LARP4B: variants seen among roughly 807,000 people sequenced by gnomAD.
LARP4B encodes the protein La ribonucleoprotein 4B, also known as la-related protein 4B.
Under a neutral mutation model 89.8 loss-of-function variants are expected in LARP4B, and 12 were observed. The observed-to-expected ratio is 0.13, with a 90% confidence interval of 0.09 to 0.22. The LOEUF is 0.22. LARP4B is among the 10% of genes least tolerant of loss of function. LARP4B has a pLI of 1.00. For missense variants in LARP4B, 757 were observed against 947.7 expected (o/e 0.80, Z 2.64); for synonymous variants, 367 against 363.3 (o/e 1.01, Z -0.12).
chr10:899,105 A>G (rs1167242661), intron 1 of LARP4B, among the ~76,000 whole-genome samples: 1 of 152,226 alleles, frequency 6.6e-6, no homozygotes, highest in Non-Finnish European at 1.5e-5. Context: ...TTTTCTTACA[A>G]TATGGTACTT....
intron 1 of LARP4B, among the ~76,000 whole-genome samples, chr10:894,810 G>T (rs1157014194): frequency 6.6e-6 from 1 of 152,160 alleles, no homozygotes; most frequent in Non-Finnish European, 1.5e-5. Context: ...ATGAATGGTG[G>T]CAAGCTGATG....
the LARP4B span, among the ~76,000 whole-genome samples, chr10:940,610 G>A: frequency 1.3e-5 from 2 of 152,270 alleles, no homozygotes; most frequent in Non-Finnish European, 2.9e-5. Context: ...AACAAGGACT[G>A]ACATGTTTCC....
At chr10:813,294 A>G in intron 17 of LARP4B, 81 bp from the exon 18 acceptor site, 1 of 1,399,456 alleles carries the variant, frequency 7.1e-7, no homozygotes, top group Non-Finnish European at 9.6e-7. Context: ...ACTTAAGATA[A>G]AAGAGTTTTC....
chr10:922,058 T>C lies in LARP4B; in HGVS notation c.-40+9370A>G, dbSNP rs1305479988. 2.0e-5 allele frequency among the ~76,000 whole-genome samples: 3 copies of C among 151,600 alleles called. No homozygotes were observed. The East Asian group carries it at 5.9e-4, about 30-fold the overall frequency. On this transcript the variant is annotated intron_variant, in intron 1 of 17. Transcript: ENST00000316157. The stretch of plus-strand genomic sequence containing the variant: ...GACAGGTTTCATGCAAGACAATTTT[T>C]CCACAGACAGAGCGGAGGGGTCAGG...
chr10:852,510 AC>A (rs1834107866), intron 5 of LARP4B, among the ~76,000 whole-genome samples: 1 of 152,200 alleles, frequency 6.6e-6, no homozygotes, highest in African/African-American at 2.4e-5. Flanking sequence ...ACCTAAAACC[AC>A]CACTAACGTT....
At chr10:980,534 C>T in the LARP4B span, among the ~76,000 whole-genome samples, 1 of 152,350 alleles carries the variant, frequency 6.6e-6, no homozygotes, top group East Asian at 1.9e-4. Flanking sequence ...TTCTGTGCAC[C>T]TGCATGCTTA....
intron 3 of LARP4B, among the ~76,000 whole-genome samples, chr10:869,515 T>C (rs201355860): frequency 1.3e-5 from 2 of 152,250 alleles, no homozygotes; most frequent in East Asian, 1.9e-4. Context: ...ATTAATGTTA[T>C]AGTAATTCAC....
chr10:975,784 G>A, the LARP4B span, among the ~76,000 whole-genome samples: 3 of 151,614 alleles, frequency 2.0e-5, no homozygotes, highest in Non-Finnish European at 4.4e-5. Context: ...TAAGCCTGTC[G>A]TGCAACGTGT....
chr10:972,204 T>G, the LARP4B span: 2 of 308,752 alleles, frequency 6.5e-6, no homozygotes, highest in South Asian at 2.9e-5. Context: ...ATTTTTGTAT[T>G]TTTAGTAGAG....
chr10:850,240 A>T (rs1833973134), intron 5 of LARP4B, among the ~76,000 whole-genome samples: 1 of 152,254 alleles, frequency 6.6e-6, no homozygotes. Flanking sequence ...TTAACGTTCT[A>T]AATAGAAGAC....
the LARP4B span, among the ~76,000 whole-genome samples, chr10:946,153 C>G: frequency 6.6e-6 from 1 of 152,344 alleles, no homozygotes; most frequent in Non-Finnish European, 1.5e-5. Context: ...GAAAAAAGGT[C>G]TCTCTATGGA....
chr10:968,777 C>A, the LARP4B span, among the ~76,000 whole-genome samples: 1 of 152,244 alleles, frequency 6.6e-6, no homozygotes, highest in South Asian at 2.1e-4. Flanking sequence ...TAGCTGTGGG[C>A]GTGAGCGCCT....
chr10:888,509 G>A (rs1227802368), intron 1 of LARP4B, among the ~76,000 whole-genome samples: 1 of 152,260 alleles, frequency 6.6e-6, no homozygotes, highest in Non-Finnish European at 1.5e-5. Context: ...GCGAAAGGAC[G>A]TGAAGCAAAA....
intron 1 of LARP4B, among the ~76,000 whole-genome samples, chr10:891,401 C>G (rs1010089993): frequency 2.6e-5 from 4 of 152,136 alleles, no homozygotes; most frequent in Non-Finnish European, 5.9e-5. Context: ...AAAAGGACAA[C>G]TGATAATACT....
the LARP4B span, among the ~76,000 whole-genome samples, chr10:977,789 G>T: frequency 6.6e-6 from 1 of 152,180 alleles, no homozygotes; most frequent in East Asian, 1.9e-4. Context: ...TTTTATACCA[G>T]GGACTTGAGC....
chr10:917,084 G>C (rs576775768), intron 1 of LARP4B, among the ~76,000 whole-genome samples: 1 of 152,166 alleles, frequency 6.6e-6, no homozygotes. Context: ...CTAATAAACT[G>C]TTGTGTTCAT....
chr10:921,800 T>C (rs1052998804), intron 1 of LARP4B, among the ~76,000 whole-genome samples: 5 of 152,212 alleles, frequency 3.3e-5, no homozygotes, highest in African/African-American at 1.2e-4. Flanking sequence ...AGAATAATGA[T>C]TTCAGCAGAA....
In LARP4B at chr10:929,986, T is replaced by C. The variant is rs74117000; in HGVS notation, c.-40+1442A>G. Among the ~76,000 whole-genome samples the C allele has an allele frequency of 2.8e-3, 428 of 152,182 alleles. 5 individuals are homozygous for C. The highest frequency in any genetic ancestry group is 1.0e-2 in the African/African-American group (414 of 41,494). ...GATTACAAAACTGCCTTTCAGCATATTAAATACAAGGAGAAAAAACTGAAA... is the reference window on the plus strand; with the variant it reads ...GATTACAAAACTGCCTTTCAGCATACTAAATACAAGGAGAAAAAACTGAAA... On this transcript the variant is annotated intron_variant, in intron 1 of 17. Transcript: ENST00000316157.
At chr10:884,572 C>T in intron 2 of LARP4B, 66 bp from the exon 3 acceptor site, 2 of 1,100,268 alleles carry the variant, frequency 1.8e-6, no homozygotes, top group Non-Finnish European at 2.7e-6. Flanking sequence ...ATTTTCAAAC[C>T]ACAGTAATTA....
Sources: gnomAD v4.1 joint callset for allele counts (sites outside exome capture counted in the v4.1 genomes callset) on GRCh38, gnomAD v4.1.1 for gene constraint, MANE v1.5 for transcripts, NCBI Gene and HGNC (gene_info 2026-07-23, HGNC 2026-07-21) for gene names.